PRR11: variants seen among roughly 807,000 people sequenced by gnomAD.
PRR11 encodes the protein proline rich 11.
In PRR11, 30 loss-of-function variants were observed where a neutral mutation model predicts 45.6. The ratio of observed to expected loss-of-function variants is 0.66; its 90% CI spans 0.49 to 0.89. PRR11 has a LOEUF of 0.89. Ranked by LOEUF, PRR11 falls within the 40% of genes least tolerant of loss-of-function variation. PRR11 has a pLI of 0.00. For missense variants in PRR11, 373 were observed against 424.8 expected (o/e 0.88, Z 1.07); for synonymous variants, 128 against 153.5 (o/e 0.83, Z 1.23).
At chr17:59,179,624 G>C in intron 2 of PRR11, 1 of 1,514,108 alleles carries the variant, frequency 6.6e-7, no homozygotes, top group Non-Finnish European at 9.0e-7. Flanking sequence ...CAGGATTGGA[G>C]GTGCTCTCTG....
chr17:59,186,732 A>G (rs190154000), intron 4 of PRR11, among the ~76,000 whole-genome samples: 46 of 152,308 alleles, frequency 3.0e-4, no homozygotes, highest in African/African-American at 1.1e-3. Flanking sequence ...AGACATAAAA[A>G]TAAATTTATG....
intron 2 of PRR11, among the ~76,000 whole-genome samples, chr17:59,180,504 T>TTTTTTGTTG (rs2046777036): frequency 4.0e-5 from 5 of 124,556 alleles, no homozygotes; most frequent in Non-Finnish European, 6.9e-5. Flanking sequence ...TTGTTTTTTT[T>TTTTTTGTTG]TTTTTGTTTT....
At chr17:59,164,606 A>G (rs1281568788) in intron 1 of PRR11, among the ~76,000 whole-genome samples, 2 of 152,178 alleles carry the variant, frequency 1.3e-5, no homozygotes, top group East Asian at 3.9e-4. Context: ...CAGTGGACTC[A>G]GCCTTAGATA....
chr17:59,177,231 T>C, intron 2 of PRR11: 1 of 547,294 alleles, frequency 1.8e-6, no homozygotes, highest in Non-Finnish European at 3.7e-6. Flanking sequence ...GGCTAAAATA[T>C]GCTATGACCA....
At chr17:59,160,902 T>TTTTTTC (rs2046648151) in intron 1 of PRR11, 1 of 151,690 alleles carries the variant, frequency 6.6e-6, no homozygotes, top group East Asian at 2.0e-4. Context: ...AGGATTTTTT[T>TTTTTTC]TTTTTCTTTT....
intron 2 of PRR11, among the ~76,000 whole-genome samples, chr17:59,172,746 A>C (rs1187677376): frequency 6.6e-6 from 1 of 152,214 alleles, no homozygotes; most frequent in African/African-American, 2.4e-5. Context: ...GCCGGGCCTC[A>C]GCTGCCTCCC....
At chr17:59,176,685 T>TG (rs2046748394) in intron 2 of PRR11, among the ~76,000 whole-genome samples, 2 of 47,952 alleles carry the variant, frequency 4.2e-5, no homozygotes, top group Non-Finnish European at 8.0e-5. Flanking sequence ...TTTTTTTGGC[T>TG]TTTTTTTTTT....
At chr17:59,162,884 C>T (rs760655451) in intron 1 of PRR11, among the ~76,000 whole-genome samples, 4 of 147,750 alleles carry the variant, frequency 2.7e-5, no homozygotes, top group Admixed American at 2.0e-4. Context: ...TGCACCACCA[C>T]GCCCGGCTAA....
At chr17:59,164,288 G>A (rs1405416330) in intron 1 of PRR11, among the ~76,000 whole-genome samples, 2 of 152,116 alleles carry the variant, frequency 1.3e-5, no homozygotes, top group African/African-American at 4.8e-5. Context: ...TCCTAAGCTT[G>A]CTCAAAGCTG....
At chr17:59,182,215 ATGGGGTT>A (rs1216086290) in intron 2 of PRR11, among the ~76,000 whole-genome samples, 1 of 151,550 alleles carries the variant, frequency 6.6e-6, no homozygotes, top group African/African-American at 2.4e-5. Context: ...TTTAGTAGAG[ATGGGGTT>A]TCACCATGTT....
intron 1 of PRR11, among the ~76,000 whole-genome samples, chr17:59,166,858 G>T (rs1026107119): frequency 6.6e-6 from 1 of 151,366 alleles, no homozygotes; most frequent in Non-Finnish European, 1.5e-5. Flanking sequence ...ATTTTATTTT[G>T]ATTATTTTAA....
At position 59,191,388 on chromosome 17, in the gene PRR11, T is replaced by C. The variant is rs4968359; in HGVS notation, c.403-2104T>C. On this transcript the variant is annotated intron_variant, in intron 4 of 9. Coordinates refer to ENST00000262293, the MANE Select transcript of PRR11 (RefSeq NM_018304.4). ...TGCCCACCACCACGCCTCGCTAATTTTTGTGTTTTTAGTAGAGATGAGGTT... is the reference window on the plus strand; with the variant it reads ...TGCCCACCACCACGCCTCGCTAATTCTTGTGTTTTTAGTAGAGATGAGGTT... 0.013 allele frequency among the ~76,000 whole-genome samples: 1,914 copies of C among 151,902 alleles called. 91 individuals carry two copies. The East Asian group carries it at 0.13, about 11-fold the overall frequency.
In PRR11 at chr17:59,169,762, T is replaced by C; in HGVS notation, c.10T>C (p.Phe4Leu). 6.3e-7 allele frequency: 1 copy of C among 1,590,578 alleles called. No individual in the cohort carries two copies. Among genetic ancestry groups the C allele is most frequent in the Non-Finnish European group, 8.5e-7 (1 of 1,173,960 alleles). The change falls in exon 2 of 10, where the codon TTC (phenylalanine) becomes CTC (leucine). Residue 4 changes from phenylalanine (F) to leucine (L), a missense_variant. Coordinates refer to ENST00000262293, the MANE Select transcript of PRR11 (RefSeq NM_018304.4). ...TTTCTCTGCAGAAATCATGCCCAAG[T>C]TCAAACAACGAAGACGAAAGCTAAA... The part of the protein sequence containing the change: MPK[F>L]KQRRRKLKAK...
Position 59,175,205 on chromosome 17 carries a change from A to T in PRR11, c.128+5325A>T. On this transcript the variant is annotated intron_variant, in intron 2 of 9. Transcript: ENST00000262293. ...GGCTGAGGTCAGCTTCCCAGAGAGG[A>T]GGGCAGGGGACGATCCTCAGCTCAG... The T allele has an allele frequency of 4.4e-6, 2 of 458,950 alleles. 1 individual carries two copies. Among genetic ancestry groups the T allele is most frequent in the South Asian group, 3.8e-5 (2 of 53,270 alleles). The allele number at this position is 458,950 out of a possible 1,614,324, so 28.4% of individuals were successfully genotyped here. A position where few individuals can be genotyped will look rare whatever the true frequency, so the allele number is the denominator to read the frequency against.
chr17:59,193,386 C>A, intron 4 of PRR11, 106 bp from the exon 5 acceptor site: 1 of 1,349,456 alleles, frequency 7.4e-7, no homozygotes, highest in Non-Finnish European at 1.0e-6. Context: ...GCACATGGTA[C>A]GCTGAGAAAG....
intron 2 of PRR11, among the ~76,000 whole-genome samples, chr17:59,180,519 G>GTTTTTTTTT (rs71300619): frequency 0.081 from 9,946 of 122,220 alleles, 565 homozygotes; most frequent in South Asian, 0.19. Context: ...TGTTTTTTTT[G>GTTTTTTTTT]TTTTTTTTGC....
chr17:59,182,389 C>CTTTTTTT (rs147890743), intron 2 of PRR11, among the ~76,000 whole-genome samples: 2 of 107,360 alleles, frequency 1.9e-5, no homozygotes, highest in Non-Finnish European at 3.6e-5. Context: ...TCTGACCCTT[C>CTTTTTTT]TTTTTTTTTT....
chr17:59,171,187 C>T (rs555383761), intron 2 of PRR11, among the ~76,000 whole-genome samples: 9 of 151,884 alleles, frequency 5.9e-5, no homozygotes, highest in African/African-American at 1.7e-4. Context: ...GGCGTGAGCC[C>T]GGGAGGCAGA....
intron 4 of PRR11, among the ~76,000 whole-genome samples, chr17:59,187,463 G>A (rs531948501): frequency 3.3e-5 from 5 of 151,950 alleles, no homozygotes; most frequent in East Asian, 3.9e-4. Context: ...CCAGCTACTC[G>A]GATGGCTGAG....
Sources: gnomAD v4.1 joint callset for allele counts (sites outside exome capture counted in the v4.1 genomes callset) on GRCh38, gnomAD v4.1.1 for gene constraint, MANE v1.5 for transcripts, NCBI Gene and HGNC (gene_info 2026-07-23, HGNC 2026-07-21) for gene names.